The following RPL28 variants were observed in gnomAD, a reference collection of about 807,000 sequenced individuals.
The protein encoded by RPL28 is large ribosomal subunit protein eL28.
RPL28 carries 4 observed loss-of-function variants against 12.5 expected under a neutral mutation model. That is an observed-to-expected ratio of 0.32 (90% CI 0.16 to 0.73). RPL28 has a LOEUF of 0.73. RPL28 is among the 30% of genes least tolerant of loss of function. RPL28 has a pLI of 0.66. For missense variants in RPL28, 214 were observed against 197.7 expected (o/e 1.08, Z -0.49); for synonymous variants, 91 against 72.5 (o/e 1.26, Z -1.30).
At chr19:55,396,015 T>C (rs2090020416), downstream of RPL28, among the ~76,000 whole-genome samples, 1 of 152,114 alleles carries the variant, frequency 6.6e-6, no homozygotes, top group Admixed American at 6.6e-5. Flanking sequence ...CGGTGGCACA[T>C]GCCTGTTATC....
chr19:55,390,738 G>C lies in RPL28; in HGVS notation c.*2406G>C, dbSNP rs1569043034. 1 of 985,502 alleles carries C rather than the reference G, an allele frequency of 1.0e-6. No individual in the cohort carries two copies. The highest frequency in any genetic ancestry group is 1.2e-6 in the Non-Finnish European group (1 of 829,992). 61.0% of individuals were successfully genotyped at this position (985,502 alleles called of 1,614,324 possible). A position where few individuals can be genotyped will look rare whatever the true frequency, so the allele number is the denominator to read the frequency against. On this transcript the variant is annotated 3_prime_UTR_variant, in exon 5 of 5. Transcript: ENST00000344063. ...GGCTGGGCTGGGGAGGCCACGTCTG[G>C]TATCTGAATGCTATCGGTGGGTTGG...
Position 55,389,439 on chromosome 19 carries a change from C to T in RPL28, c.*1107C>T, listed in dbSNP as rs532462952. ...TAACTCTGTCAGCCACTGCCAGGGA[C>T]CAAGGATCCAGCATCCATGGCACCC... On this transcript the variant is annotated 3_prime_UTR_variant, in exon 5 of 5. Transcript: ENST00000344063. 1.7e-4 allele frequency: 163 copies of T among 985,426 alleles called. No homozygotes were observed. The highest frequency in any genetic ancestry group is 1.9e-4 in the Non-Finnish European group (156 of 829,944). The allele number at this position is 985,426 out of a possible 1,614,324, so 61.0% of individuals were successfully genotyped here.
intron 3 of RPL28, chr19:55,387,142 G>A: frequency 1.5e-6 from 2 of 1,304,514 alleles, no homozygotes; most frequent in Non-Finnish European, 2.1e-6. Flanking sequence ...TAGAGAAGAG[G>A]TCTTGGGGAC....
rs2089967781 is a variant in RPL28, at chr19:55,389,405, C to T, written c.*1073C>T. The T allele has an allele frequency of 1.0e-6, 1 of 985,284 alleles. No homozygotes were observed. Among genetic ancestry groups the T allele is most frequent in the Non-Finnish European group, 1.2e-6 (1 of 829,958 alleles). The allele number at this position is 985,284 out of a possible 1,614,324, so 61.0% of individuals were successfully genotyped here. A position where few individuals can be genotyped will look rare whatever the true frequency, so the allele number is the denominator to read the frequency against. On this transcript the variant is annotated 3_prime_UTR_variant, in exon 5 of 5. Coordinates refer to ENST00000344063, the MANE Select transcript of RPL28 (RefSeq NM_000991.5). ...CCTGCTGTTGATCCTCACATGTTTC[C>T]TGGGCACCTAACTCTGTCAGCCACT...
At chr19:55,395,584 C>T (rs2090016391), downstream of RPL28, among the ~76,000 whole-genome samples, 1 of 151,916 alleles carries the variant, frequency 6.6e-6, no homozygotes, top group Admixed American at 6.6e-5. Context: ...GCTGGGACTA[C>T]AGGCGCCCAC....
chr19:55,395,745 T>C (rs1284455948), downstream of RPL28, among the ~76,000 whole-genome samples: 1 of 152,078 alleles, frequency 6.6e-6, no homozygotes, highest in Non-Finnish European at 1.5e-5. Context: ...GCCCAGCCTC[T>C]TTTTCTCATT....
Position 55,389,488 on chromosome 19 carries a change from C to G in RPL28, c.*1156C>G. On this transcript the variant is annotated 3_prime_UTR_variant, in exon 5 of 5. Transcript: ENST00000344063. The stretch of plus-strand genomic sequence containing the variant: ...CCCTGGTTCCTGCCATCCTGGGGTA[C>G]CCGATTCAAAGAAGGACTCTGCTCC... The G allele has an allele frequency of 1.0e-6, 1 of 985,392 alleles. No individual in the cohort carries two copies. The highest frequency in any genetic ancestry group is 1.2e-6 in the Non-Finnish European group (1 of 829,948). The allele number at this position is 985,392 out of a possible 1,614,324, so 61.0% of individuals were successfully genotyped here.
downstream of RPL28, among the ~76,000 whole-genome samples, chr19:55,395,920 C>T (rs565790879): frequency 3.9e-5 from 6 of 152,204 alleles, no homozygotes; most frequent in East Asian, 1.9e-4. Flanking sequence ...CTTTTGCCCC[C>T]GGCTTCCTTA....
intron 4 of RPL28, chr19:55,401,153 T>G: frequency 1.4e-5 from 7 of 485,254 alleles, no homozygotes; most frequent in Admixed American, 3.9e-5. Context: ...GCAAGGCTGG[T>G]GAGCTAGATG....
chr19:55,391,405 C>T lies in RPL28; in HGVS notation c.*3073C>T. 1 of 1,288,576 alleles carries T rather than the reference C, an allele frequency of 7.8e-7. No homozygotes were observed. Among genetic ancestry groups the T allele is most frequent in the Non-Finnish European group, 9.9e-7 (1 of 1,014,904 alleles). 79.8% of individuals were successfully genotyped at this position (1,288,576 alleles called of 1,614,324 possible). On this transcript the variant is annotated 3_prime_UTR_variant, in exon 5 of 5. Transcript: ENST00000344063. ...CAGGTGTCTCAGTGTTCACTGCTGT[C>T]TCTCCAGCTCTTAGTCCAGTAGCTG...
chr19:55,388,899 C>T lies in RPL28; in HGVS notation c.*567C>T. ...CAACTTGGTGGGTGGTGGCTTATAA[C>T]TGTAAGGGAGATGGCAGCCCCAGGG... On this transcript the variant is annotated 3_prime_UTR_variant, in exon 5 of 5. Transcript: ENST00000344063. 1.0e-6 allele frequency: 1 copy of T among 985,790 alleles called. No individual in the cohort carries two copies. Among genetic ancestry groups the T allele is most frequent in the Non-Finnish European group, 1.2e-6 (1 of 830,172 alleles). The allele number at this position is 985,790 out of a possible 1,614,324, so 61.1% of individuals were successfully genotyped here. A position where few individuals can be genotyped will look rare whatever the true frequency, so the allele number is the denominator to read the frequency against.
intron 4 of RPL28, 91 bp from the exon 5 acceptor site, chr19:55,388,152 G>A: frequency 1.9e-6 from 3 of 1,564,370 alleles, no homozygotes; most frequent in Non-Finnish European, 2.6e-6. Flanking sequence ...ATGGATTCTT[G>A]CTTTCAGCCT....
downstream of RPL28, among the ~76,000 whole-genome samples, chr19:55,393,237 C>G (rs1052975452): frequency 8.8e-6 from 1 of 114,160 alleles, no homozygotes; most frequent in Non-Finnish European, 1.7e-5. Context: ...CCTCCCTTGG[C>G]CGACGCACCC....
In RPL28 at chr19:55,388,507, C is replaced by T; in HGVS notation, c.*175C>T. The T allele has an allele frequency of 1.5e-6, 2 of 1,304,868 alleles. No homozygotes were observed. Among genetic ancestry groups the T allele is most frequent in the Non-Finnish European group, 2.0e-6 (2 of 1,023,022 alleles). 80.8% of individuals were successfully genotyped at this position (1,304,868 alleles called of 1,614,324 possible). ...GAGGTGATGTCAATGGCTGGCCATG[C>T]AGGAGGGGTGGGGTAGCTGCCTTGT... On this transcript the variant is annotated 3_prime_UTR_variant, in exon 5 of 5. Coordinates refer to ENST00000344063, the MANE Select transcript of RPL28 (RefSeq NM_000991.5).
chr19:55,399,896 A>G (rs1049852461), intron 4 of RPL28: 3 of 152,184 alleles, frequency 2.0e-5, no homozygotes, highest in Non-Finnish European at 4.4e-5. Context: ...GATTTCTTGG[A>G]TGGCCAGTGA....
intron 4 of RPL28, chr19:55,401,072 AT>A: frequency 3.8e-6 from 1 of 263,048 alleles, no homozygotes; most frequent in South Asian, 5.5e-5. Context: ...TAGATTGGAA[AT>A]CTGACTCCAA....
rs2090056289 is a variant in RPL28 at position 55,401,371 on chromosome 19, G to A, written c.325-1572G>A. The A allele has an allele frequency of 2.8e-6, 3 of 1,086,878 alleles. No individual in the cohort carries two copies. The African/African-American group carries it at 4.7e-5, about 17-fold the overall frequency. 67.3% of individuals were successfully genotyped at this position (1,086,878 alleles called of 1,614,324 possible). A position where few individuals can be genotyped will look rare whatever the true frequency, so the allele number is the denominator to read the frequency against. On this transcript the variant is annotated intron_variant, in intron 4 of 4. Transcript: ENST00000560055. ...CCCCAGCCATAATTTAAATAACTTA[G>A]AGACAGAGTTGGAGGGAGGGGACAG...
Position 55,388,418 on chromosome 19 carries a change from C to T in RPL28, c.*86C>T, listed in dbSNP as rs2089957705. The T allele has an allele frequency of 1.4e-6, 2 of 1,397,802 alleles. No individual in the cohort carries two copies. The highest frequency in any genetic ancestry group is 1.9e-6 in the Non-Finnish European group (2 of 1,071,804). The allele number at this position is 1,397,802 out of a possible 1,614,324, so 86.6% of individuals were successfully genotyped here. A position where few individuals can be genotyped will look rare whatever the true frequency, so the allele number is the denominator to read the frequency against. On this transcript the variant is annotated 3_prime_UTR_variant, in exon 5 of 5. Transcript: ENST00000344063. ...CCTTTTTGAAACGCTCTGGGGAGCT[C>T]TGGCCCTGTGTGTTGTCATTCAGGC...
Position 55,391,438 on chromosome 19 carries a change from A to G in RPL28, c.*3106A>G. 1 of 1,319,252 alleles carries G rather than the reference A, an allele frequency of 7.6e-7. No individual in the cohort carries two copies. Among genetic ancestry groups the G allele is most frequent in the Non-Finnish European group, 9.7e-7 (1 of 1,028,280 alleles). 81.7% of individuals were successfully genotyped at this position (1,319,252 alleles called of 1,614,324 possible). ...CTCTTAGTCCAGTAGCTGCATGGTG[A>G]GTGAGCGTAGGGCGCACCCTGGAAG... On this transcript the variant is annotated 3_prime_UTR_variant, in exon 5 of 5. Coordinates refer to ENST00000344063, the MANE Select transcript of RPL28 (RefSeq NM_000991.5).
Sources: gnomAD v4.1 joint callset for allele counts (sites outside exome capture counted in the v4.1 genomes callset) on GRCh38, gnomAD v4.1.1 for gene constraint, MANE v1.5 for transcripts, NCBI Gene and HGNC (gene_info 2026-07-23, HGNC 2026-07-21) for gene names.